The following EPHB1 variants were observed in gnomAD, a reference collection of about 807,000 sequenced individuals.
EPHB1 encodes the protein EPH receptor B1.
Under a neutral mutation model 94.4 loss-of-function variants are expected in EPHB1, and 30 were observed. The observed-to-expected ratio is 0.32, with a 90% CI of 0.24 to 0.43. The LOEUF is 0.43. EPHB1 is among the 20% of genes least tolerant of loss of function. EPHB1 has a pLI of 1.00. For missense variants in EPHB1, 1,055 were observed against 1,308.3 expected, an observed-to-expected ratio of 0.81 and a Z score of 2.99; for synonymous variants, 522 against 489.1, an observed-to-expected ratio of 1.07 and a Z score of -0.89.
intron 4 of EPHB1, among the ~76,000 whole-genome samples, chr3:135,124,905 G>A (rs1047046641): frequency 4.6e-5 from 7 of 151,558 alleles, no homozygotes; most frequent in Admixed American, 2.6e-4. Context: ...GGTGAGACAG[G>A]CATCAGCCAA....
chr3:134,811,242 G>GTTTTTTTTTTTTTTTTTTT lies in EPHB1; in HGVS notation c.58+15556_58+15574dup, dbSNP rs397966930. On this transcript the variant is annotated intron_variant, in intron 1 of 15. Coordinates refer to ENST00000398015, the MANE Select transcript of EPHB1 (RefSeq NM_004441.5). Reference sequence around the variant, plus strand: ...TCTCATAGTTGCCCCTACTAAGAAGGTTTTTTTTTTTTTTTTTTTTTCTGT... The same window carrying GTTTTTTTTTTTTTTTTTTT: ...TCTCATAGTTGCCCCTACTAAGAAGGTTTTTTTTTTTTTTTTTTTTTTTTTTTTTTTTTTTTTTTTCTGT... Among the ~76,000 whole-genome samples, 89 of 73,884 alleles carry GTTTTTTTTTTTTTTTTTTT rather than the reference G, an allele frequency of 1.2e-3. 25 individuals carry two copies. The highest frequency in any genetic ancestry group is 1.7e-3 in the Non-Finnish European group (61 of 36,384). 48.5% of individuals were successfully genotyped at this position (73,884 alleles called of 152,430 possible).
At chr3:135,023,871 C>T (rs1576324103) in intron 3 of EPHB1, among the ~76,000 whole-genome samples, 2 of 152,268 alleles carry the variant, frequency 1.3e-5, no homozygotes. Context: ...TTTTCTCACC[C>T]TGTGCATGTT....
At chr3:134,808,090 G>A (rs1428795628) in intron 1 of EPHB1, among the ~76,000 whole-genome samples, 1 of 152,188 alleles carries the variant, frequency 6.6e-6, no homozygotes, top group East Asian at 1.9e-4. Flanking sequence ...AGTAGAGAAT[G>A]GATCTGCAGG....
intron 2 of EPHB1, among the ~76,000 whole-genome samples, chr3:134,941,611 A>G (rs115173865): frequency 0.011 from 1,678 of 152,310 alleles, 22 homozygotes; most frequent in South Asian, 0.04. Context: ...TGGGGCATAA[A>G]GAATGTGTCA....
chr3:134,863,195 G>A (rs138842771), intron 1 of EPHB1, among the ~76,000 whole-genome samples: 9 of 152,316 alleles, frequency 5.9e-5, no homozygotes, highest in Non-Finnish European at 1.3e-4. Context: ...GAATAAAGAC[G>A]TTTCTTTAAA....
chr3:135,251,918 C>G (rs140234601), intron 15 of EPHB1, among the ~76,000 whole-genome samples: 20 of 152,282 alleles, frequency 1.3e-4, no homozygotes, highest in Middle Eastern at 3.4e-3. Flanking sequence ...TGCTGAGAAC[C>G]AACTTCTCTT....
chr3:135,149,179 C>T (rs943065576), intron 5 of EPHB1, among the ~76,000 whole-genome samples: 7 of 152,182 alleles, frequency 4.6e-5, no homozygotes, highest in South Asian at 2.1e-4. Flanking sequence ...TTTCTGCTTA[C>T]GTTTTCTGAA....
chr3:134,830,890 G>C (rs1247085186), intron 1 of EPHB1, among the ~76,000 whole-genome samples: 1 of 152,176 alleles, frequency 6.6e-6, no homozygotes, highest in Non-Finnish European at 1.5e-5. Flanking sequence ...AGTCAAGAAA[G>C]GGTAGAAGCC....
intron 1 of EPHB1, among the ~76,000 whole-genome samples, chr3:134,876,393 T>C (rs1266491839): frequency 1.3e-5 from 2 of 152,154 alleles, no homozygotes; most frequent in African/African-American, 4.8e-5. Flanking sequence ...TCAAAACAGC[T>C]TAAAGGAAAA....
At chr3:134,850,791 C>T (rs2036964511) in intron 1 of EPHB1, among the ~76,000 whole-genome samples, 3 of 152,252 alleles carry the variant, frequency 2.0e-5, no homozygotes, top group Non-Finnish European at 4.4e-5. Flanking sequence ...ACTCTCCATA[C>T]CCTGGGAGCT....
At position 135,250,766 on chromosome 3, in the gene EPHB1, C is replaced by T. The variant is rs147484536; in HGVS notation, c.2846+1275C>T. Among the ~76,000 whole-genome samples, 24 of 152,210 alleles carry T rather than the reference C, an allele frequency of 1.6e-4. No homozygotes were observed. In the East Asian group the frequency reaches 3.9e-3, roughly 25 times the overall value. ...GGGCTCCGTGGGCTACAACATGTACCGATAGCACATATTGTGGGATCTGGC... is the reference window on the plus strand; with the variant it reads ...GGGCTCCGTGGGCTACAACATGTACTGATAGCACATATTGTGGGATCTGGC... On this transcript the variant is annotated intron_variant, in intron 15 of 15. Transcript: ENST00000398015.
At chr3:134,826,750 A>T (rs2036486362) in intron 1 of EPHB1, among the ~76,000 whole-genome samples, 1 of 152,146 alleles carries the variant, frequency 6.6e-6, no homozygotes, top group Admixed American at 6.5e-5. Flanking sequence ...GCTCATAGTT[A>T]ATTCTTGTCC....
At position 135,196,403 on chromosome 3, in the gene EPHB1, C is replaced by T. The variant is rs368612097; in HGVS notation, c.2130+3580C>T. ...AAAACCTGGGGGCATGAGAGGAGCA[C>T]GGGAAAACAGAGGAGCAGGCATGGT... On this transcript the variant is annotated intron_variant, in intron 11 of 15. Transcript: ENST00000398015. Among the ~76,000 whole-genome samples the T allele has an allele frequency of 3.3e-5, 5 of 151,918 alleles. No homozygotes were observed. In the South Asian group the frequency reaches 6.2e-4, roughly 19 times the overall value.
chr3:134,942,837 A>G (rs906029721), intron 2 of EPHB1, among the ~76,000 whole-genome samples: 1 of 152,248 alleles, frequency 6.6e-6, no homozygotes, highest in African/African-American at 2.4e-5. Flanking sequence ...AAATGAACTA[A>G]TAAATTAGTC....
intron 3 of EPHB1, among the ~76,000 whole-genome samples, chr3:134,989,094 T>C (rs1346725912): frequency 6.6e-6 from 1 of 152,198 alleles, no homozygotes; most frequent in Non-Finnish European, 1.5e-5. Flanking sequence ...GTAAGTTAAA[T>C]AAAGATTCCT....
At position 134,951,774 on chromosome 3, in the gene EPHB1, C is replaced by T; in HGVS notation, c.527C>T (p.Ala176Val). ...CTTACTCGGAATGGTTTTTACCTCG[C>T]TTTTCAGGATTATGGAGCCTGTATG... ...GPLTRNGFYL[A>V]FQDYGACMSL... Residue 176 changes from alanine (A) to valine (V), a missense_variant, in exon 3 of 16, where the codon GCT becomes GTT. Physicochemically the swap from Ala to Val is moderately conservative, Grantham distance 64. Transcript: ENST00000398015. This position sits in a 1 kb window ranked among gnomAD's most constrained non-coding sequence, Gnocchi z 4.5. 5 of 1,614,036 alleles carry T rather than the reference C, an allele frequency of 3.1e-6. No individual in the cohort carries two copies. Among genetic ancestry groups the T allele is most frequent in the Non-Finnish European group, 3.4e-6 (4 of 1,179,902 alleles).
In EPHB1 at chr3:135,072,711, C is replaced by T. The variant is rs146768935; in HGVS notation, c.806-33737C>T. Among the ~76,000 whole-genome samples the T allele has an allele frequency of 1.8e-3, 269 of 152,356 alleles. 3 individuals carry two copies. The highest frequency in any genetic ancestry group is 6.0e-3 in the African/African-American group (250 of 41,594). Reference sequence around the variant, plus strand: ...CTGGCTCTGACCTTGCTGTCTGGCACGCCCTCTCTTCTCCATCTTTGTTAC... The same window carrying T: ...CTGGCTCTGACCTTGCTGTCTGGCATGCCCTCTCTTCTCCATCTTTGTTAC... On this transcript the variant is annotated intron_variant, in intron 3 of 15. Transcript: ENST00000398015.
intron 3 of EPHB1, among the ~76,000 whole-genome samples, chr3:135,001,583 C>T (rs967284166): frequency 6.6e-6 from 1 of 152,230 alleles, no homozygotes; most frequent in African/African-American, 2.4e-5. Context: ...AGCCTTCCCT[C>T]ACCACTAACC....
intron 3 of EPHB1, among the ~76,000 whole-genome samples, chr3:135,037,516 A>G (rs79944863): frequency 6.6e-6 from 1 of 152,378 alleles, no homozygotes; most frequent in East Asian, 1.9e-4. Context: ...TAGAAATCAC[A>G]TAGACCAAGT....
Sources: gnomAD v4.1 joint callset for allele counts (sites outside exome capture counted in the v4.1 genomes callset) on GRCh38, gnomAD v4.1.1 for gene constraint, Gnocchi (gnomAD v3.1) non-coding constraint, MANE v1.5 for transcripts, NCBI Gene and HGNC (gene_info 2026-07-23, HGNC 2026-07-21) for gene names.